Variants in THRB observed in about 807,000 individuals in gnomAD.
THRB encodes the protein thyroid hormone receptor beta.
In THRB, 12 loss-of-function variants were observed where a neutral mutation model predicts 47.8. The observed-to-expected ratio is 0.25, with a 90% confidence interval of 0.16 to 0.41. The LOEUF (loss-of-function observed/expected upper bound fraction) is 0.41. Among genes scored for constraint, THRB ranks in the 10% least tolerant of loss-of-function variants. The probability of loss-of-function intolerance (pLI) is 1.00; values close to 1 mark genes in which losing one functional copy is unlikely to be tolerated. For missense variants in THRB, 348 were observed against 589.2 expected, an observed-to-expected ratio of 0.59 and a Z score of 4.24; for synonymous variants, 218 against 212.2, an observed-to-expected ratio of 1.03 and a Z score of -0.24.
chr3:24,389,525 A>C (rs1387239792), intron 1 of THRB, among the ~76,000 whole-genome samples: 1 of 152,160 alleles, frequency 6.6e-6, no homozygotes, highest in Non-Finnish European at 1.5e-5. Flanking sequence ...CCCTCCTTCA[A>C]GGCTGTTAAA....
At position 24,121,096 on chromosome 3, in the gene THRB, A is replaced by G. The variant is rs1356562132; in HGVS notation, c.*1788T>C. The G allele has an allele frequency of 1.3e-5, 2 of 151,858 alleles. No individual in the cohort carries two copies. Among genetic ancestry groups the G allele is most frequent in the African/African-American group, 4.9e-5 (2 of 41,146 alleles). The allele number at this position is 151,858 out of a possible 1,614,324, so 9.4% of individuals were successfully genotyped here. ...ATACTTCTTGTCTAATAAAGTTAGG[A>G]ATTTAAGTGTTAAAAAAAAATAATT... On this transcript the variant is annotated 3_prime_UTR_variant, in exon 11 of 11. Transcript: ENST00000646209.
At chr3:24,132,141 A>G (rs2033956175) in intron 9 of THRB, among the ~76,000 whole-genome samples, 1 of 152,158 alleles carries the variant, frequency 6.6e-6, no homozygotes, top group Non-Finnish European at 1.5e-5. Context: ...AGGCAGCAGG[A>G]GTCATTCCAG....
intron 1 of THRB, among the ~76,000 whole-genome samples, chr3:24,411,435 C>T (rs927723834): frequency 2.0e-5 from 3 of 151,814 alleles, no homozygotes; most frequent in Admixed American, 2.0e-4. Context: ...ACTGTTCTTA[C>T]TATGGTCATA....
intron 3 of THRB, among the ~76,000 whole-genome samples, chr3:24,265,519 G>T (rs975846049): frequency 6.6e-6 from 1 of 152,114 alleles, no homozygotes; most frequent in African/African-American, 2.4e-5. Context: ...TCAGGTGCAG[G>T]ATTTCTCTTT....
intron 1 of THRB, among the ~76,000 whole-genome samples, chr3:24,376,086 G>C (rs2065264826): frequency 2.0e-5 from 3 of 152,122 alleles, no homozygotes; most frequent in Non-Finnish European, 2.9e-5. Flanking sequence ...ATAGAGCCAA[G>C]CTTGGCGAGT....
At chr3:24,271,626 G>A (rs1340819432) in intron 3 of THRB, among the ~76,000 whole-genome samples, 1 of 152,042 alleles carries the variant, frequency 6.6e-6, no homozygotes, top group East Asian at 1.9e-4. Flanking sequence ...ATTCCAAGAA[G>A]CTCCTATTCT....
intron 5 of THRB, among the ~76,000 whole-genome samples, chr3:24,175,899 GA>G (rs1173062821): frequency 6.7e-6 from 1 of 150,192 alleles, no homozygotes; most frequent in African/African-American, 2.4e-5. Context: ...ATTACAAAGG[GA>G]AAAGGTTAGT....
intron 3 of THRB, 51 bp from the exon 4 acceptor site, chr3:24,229,052 A>C: frequency 1.8e-6 from 2 of 1,122,608 alleles, no homozygotes; most frequent in Non-Finnish European, 2.7e-6. Context: ...TGCATTTTCC[A>C]TAATGGTTTT....
At chr3:24,430,339 T>A (rs2070246964) in intron 1 of THRB, among the ~76,000 whole-genome samples, 1 of 152,134 alleles carries the variant, frequency 6.6e-6, no homozygotes, top group Admixed American at 6.6e-5. Context: ...GAAAGCTTCA[T>A]TTATGAGAGG....
rs767434089 is a variant in THRB at position 24,331,795 on chromosome 3, A to G, written c.-189+5505T>C. On this transcript the variant is annotated intron_variant, in intron 2 of 10. Transcript: ENST00000646209. ...TCTACAAATTTGATCACATGCATCT[A>G]TTTTCTCCTATCCCTGATACCATGT... Among the ~76,000 whole-genome samples, 18 of 151,970 alleles carry G rather than the reference A, an allele frequency of 1.2e-4. No individual in the cohort carries two copies. In the Middle Eastern group the frequency reaches 0.014, roughly 115 times the overall value.
intron 1 of THRB, among the ~76,000 whole-genome samples, chr3:24,371,120 C>A (rs1390570032): frequency 1.3e-5 from 2 of 152,078 alleles, no homozygotes; most frequent in Non-Finnish European, 2.9e-5. Context: ...ATTCTCTTAA[C>A]CTGTATAGTA....
intron 5 of THRB, among the ~76,000 whole-genome samples, chr3:24,172,170 T>C (rs1329178888): frequency 6.6e-6 from 1 of 152,168 alleles, no homozygotes; most frequent in Non-Finnish European, 1.5e-5. Flanking sequence ...TTGAAAAACC[T>C]AGTCATCTGC....
chr3:24,328,012 A>T (rs1216537690), intron 2 of THRB, among the ~76,000 whole-genome samples: 1 of 152,194 alleles, frequency 6.6e-6, no homozygotes, highest in Non-Finnish European at 1.5e-5. Flanking sequence ...ATCAACAAAT[A>T]ATCCTTTAAT....
chr3:24,222,390 C>G (rs1202796165), intron 4 of THRB, among the ~76,000 whole-genome samples: 1 of 152,100 alleles, frequency 6.6e-6, no homozygotes, highest in East Asian at 1.9e-4. Flanking sequence ...AGAGAAGAGG[C>G]TCACAGTCTT....
At chr3:24,158,009 C>T (rs955730287) in intron 5 of THRB, among the ~76,000 whole-genome samples, 4 of 152,176 alleles carry the variant, frequency 2.6e-5, no homozygotes, top group South Asian at 2.1e-4. Context: ...AAAGGGAATA[C>T]GTTGATATAA....
At chr3:24,483,411 A>G (rs1696772113) in intron 1 of THRB, among the ~76,000 whole-genome samples, 1 of 152,168 alleles carries the variant, frequency 6.6e-6, no homozygotes, top group Admixed American at 6.5e-5. Flanking sequence ...TATTCCACGA[A>G]AAATGGGTTC....
intron 4 of THRB, among the ~76,000 whole-genome samples, chr3:24,200,258 CA>C (rs2044436270): frequency 6.6e-6 from 1 of 151,950 alleles, no homozygotes; most frequent in Non-Finnish European, 1.5e-5. Context: ...CCACATTTTT[CA>C]AAAAAACCCA....
chr3:24,243,751 G>C (rs2049826605), intron 3 of THRB, among the ~76,000 whole-genome samples: 1 of 152,028 alleles, frequency 6.6e-6, no homozygotes, highest in Non-Finnish European at 1.5e-5. Flanking sequence ...CCCTCTGCTA[G>C]GAAGTCAGCT....
chr3:24,341,674 G>T (rs1459785400), intron 1 of THRB, among the ~76,000 whole-genome samples: 3 of 152,100 alleles, frequency 2.0e-5, no homozygotes, highest in African/African-American at 4.8e-5. Flanking sequence ...TGTGCTTTTT[G>T]ATTGTGTTTT....
Sources: allele counts gnomAD v4.1 joint callset (sites outside exome capture counted in the v4.1 genomes callset), GRCh38; gene constraint gnomAD v4.1.1; transcripts MANE v1.5; gene names NCBI Gene and HGNC (gene_info 2026-07-23, HGNC 2026-07-21).